SPIDR: variants seen among roughly 807,000 people sequenced by gnomAD.
SPIDR encodes scaffold protein involved in DNA repair, also known as DNA repair-scaffolding protein.
SPIDR carries 93 observed loss-of-function variants against 104.6 expected under a neutral mutation model. The observed-to-expected ratio is 0.89, with a 90% CI of 0.75 to 1.06. SPIDR has a LOEUF of 1.06. Among genes scored for constraint, SPIDR ranks in the 50% least tolerant of loss-of-function variants. The probability of loss-of-function intolerance (pLI) is 0.00; values close to 1 mark genes in which losing one functional copy is unlikely to be tolerated. For synonymous variants in SPIDR, 431 were observed against 416.9 expected (o/e 1.03, Z -0.41); for missense variants, 1,154 against 1,111.2 (o/e 1.04, Z -0.55).
At chr8:47,720,003 T>C (rs966463066) in intron 16 of SPIDR, among the ~76,000 whole-genome samples, 4 of 152,232 alleles carry the variant, frequency 2.6e-5, no homozygotes, top group African/African-American at 9.7e-5. Context: ...AATCCTGTGC[T>C]CTGGCTCTTC....
intron 10 of SPIDR, among the ~76,000 whole-genome samples, chr8:47,614,070 TC>T (rs1014246395): frequency 7.9e-5 from 12 of 152,222 alleles, no homozygotes; most frequent in Admixed American, 2.6e-4. Context: ...CTTCCCTGTG[TC>T]CATAAGTTCT....
intron 11 of SPIDR, among the ~76,000 whole-genome samples, chr8:47,677,518 A>G (rs1274192397): frequency 6.6e-6 from 1 of 152,154 alleles, no homozygotes; most frequent in African/African-American, 2.4e-5. Flanking sequence ...TATAGGTACT[A>G]TTTTCTGTAG....
At chr8:47,728,723 A>AGTGCTACTC (rs1440043091) in intron 17 of SPIDR, 19 of 481,124 alleles carry the variant, frequency 3.9e-5, no homozygotes, top group Admixed American at 1.6e-4. Flanking sequence ...GCCTCCAGCC[A>AGTGCTACTC]GTGCTACTCG....
chr8:47,429,610 A>T (rs1337917817), intron 7 of SPIDR, among the ~76,000 whole-genome samples: 2 of 151,688 alleles, frequency 1.3e-5, no homozygotes, highest in Non-Finnish European at 2.9e-5. Flanking sequence ...AAATGTTACA[A>T]CATGGCATCA....
At chr8:47,685,509 A>ATTTTTTTTTTTTTTTTTT (rs79918303) in intron 11 of SPIDR, among the ~76,000 whole-genome samples, 2 of 106,864 alleles carry the variant, frequency 1.9e-5, no homozygotes, top group African/African-American at 2.7e-5. Context: ...TTATTTATTT[A>ATTTTTTTTTTTTTTTTTT]TTTATTTATT....
intron 8 of SPIDR, among the ~76,000 whole-genome samples, chr8:47,569,391 C>G (rs1389366891): frequency 2.0e-5 from 3 of 152,166 alleles, no homozygotes; most frequent in Non-Finnish European, 4.4e-5. Flanking sequence ...AAATATTGGA[C>G]TTGAACAACA....
intron 5 of SPIDR, among the ~76,000 whole-genome samples, chr8:47,380,115 A>T (rs2059153185): frequency 6.6e-6 from 1 of 152,214 alleles, no homozygotes; most frequent in Non-Finnish European, 1.5e-5. Context: ...TTTTTAAAAC[A>T]TGCCATCGTG....
At chr8:47,303,980 G>A (rs997569765) in intron 5 of SPIDR, among the ~76,000 whole-genome samples, 3 of 151,962 alleles carry the variant, frequency 2.0e-5, no homozygotes, top group Admixed American at 6.6e-5. Flanking sequence ...CCTGGCCTGC[G>A]GTATTTTCTT....
At chr8:47,429,669 C>G (rs2154338781) in intron 7 of SPIDR, among the ~76,000 whole-genome samples, 1 of 152,220 alleles carries the variant, frequency 6.6e-6, no homozygotes, top group East Asian at 1.9e-4. Flanking sequence ...CTGGTCCAAA[C>G]TTGGCCAGGG....
At chr8:47,262,713 A>G (rs979583778) in intron 1 of SPIDR, among the ~76,000 whole-genome samples, 3 of 152,202 alleles carry the variant, frequency 2.0e-5, no homozygotes, top group Non-Finnish European at 4.4e-5. Context: ...ACCCGGTACA[A>G]TGTATGAGGA....
intron 14 of SPIDR, among the ~76,000 whole-genome samples, chr8:47,711,580 T>G (rs1434718930): frequency 6.6e-6 from 1 of 152,086 alleles, no homozygotes; most frequent in Admixed American, 6.5e-5. Flanking sequence ...TTCCTGCTAT[T>G]GAGATATCAT....
chr8:47,427,009 T>C lies in SPIDR; in HGVS notation c.878-13314T>C, dbSNP rs115105524. On this transcript the variant is annotated intron_variant, in intron 7 of 19. Transcript: ENST00000297423. ...AACAAAGCCTAAGAGAATAAAGTAT[T>C]ATTTCTTAGGATTTGTAAAGGAGAA... is the stretch of plus-strand genomic sequence containing the variant. 4.8e-3 allele frequency among the ~76,000 whole-genome samples: 725 copies of C among 152,284 alleles called. 5 individuals carry two copies. Among genetic ancestry groups the C allele is most frequent in the African/African-American group, 0.017 (688 of 41,564 alleles).
chr8:47,660,679 A>G (rs2073963203), intron 10 of SPIDR, among the ~76,000 whole-genome samples: 1 of 152,206 alleles, frequency 6.6e-6, no homozygotes, highest in Non-Finnish European at 1.5e-5. Flanking sequence ...TTTACCTTAC[A>G]AAGCAAAACA....
intron 5 of SPIDR, among the ~76,000 whole-genome samples, chr8:47,302,232 C>T (rs1224929127): frequency 1.3e-5 from 2 of 151,892 alleles, no homozygotes; most frequent in Non-Finnish European, 2.9e-5. Context: ...TCCAGTTGAT[C>T]GAATCGGCTA....
intron 6 of SPIDR, among the ~76,000 whole-genome samples, chr8:47,404,836 A>C (rs1320445079): frequency 6.6e-6 from 1 of 152,256 alleles, no homozygotes; most frequent in Non-Finnish European, 1.5e-5. Flanking sequence ...CATTTGACCC[A>C]GCAATCCTAT....
intron 5 of SPIDR, among the ~76,000 whole-genome samples, chr8:47,307,467 C>T (rs1215089300): frequency 4.0e-5 from 6 of 151,476 alleles, no homozygotes; most frequent in Non-Finnish European, 8.8e-5. Context: ...GATCCACCCA[C>T]CTTGGCCTCC....
At chr8:47,335,805 A>G (rs1395283200) in intron 5 of SPIDR, among the ~76,000 whole-genome samples, 1 of 152,190 alleles carries the variant, frequency 6.6e-6, no homozygotes, top group African/African-American at 2.4e-5. Context: ...TTCTGAGAAG[A>G]AGTTGTTATC....
intron 14 of SPIDR, among the ~76,000 whole-genome samples, chr8:47,703,392 C>T (rs2080609685): frequency 6.6e-6 from 1 of 152,178 alleles, no homozygotes; most frequent in South Asian, 2.1e-4. Context: ...ATCATTAAAT[C>T]AGTGTTATCA....
rs782267850 is a variant in SPIDR at position 47,396,444 on chromosome 8, A to C, written c.594A>C (p.Leu198=). ...SEKEDDLENV[L]LIDSESPHKY... ...AAGAAGATGATTTGGAAAATGTCCT[A>C]CTCATTGATTCAGAATCCCCTCACA... The change falls in exon 6 of 20, where the codon CTA becomes CTC. Residue 198 remains leucine, a synonymous_variant. Coordinates refer to ENST00000297423, the MANE Select transcript of SPIDR (RefSeq NM_001080394.4). 5 of 1,613,934 alleles carry C rather than the reference A, an allele frequency of 3.1e-6. No individual in the cohort carries two copies. The highest frequency in any genetic ancestry group is 3.4e-6 in the Non-Finnish European group (4 of 1,179,856).
Sources: allele counts gnomAD v4.1 joint callset (sites outside exome capture counted in the v4.1 genomes callset), GRCh38; gene constraint gnomAD v4.1.1; transcripts MANE v1.5; gene names NCBI Gene and HGNC (gene_info 2026-07-23, HGNC 2026-07-21).